FSHR: variants seen among roughly 807,000 people sequenced by gnomAD.
The protein encoded by FSHR is follicle-stimulating hormone receptor.
A neutral mutation model predicts 52.1 loss-of-function variants in FSHR; 46 were observed. The observed-to-expected ratio is 0.88, with a 90% CI of 0.70 to 1.13. FSHR has a LOEUF of 1.13. Among genes scored for constraint, FSHR ranks in the 50% most tolerant of loss-of-function variants. FSHR has a pLI of 0.00. For synonymous variants in FSHR, 399 were observed against 309.6 expected, an observed-to-expected ratio of 1.29 and a Z score of -3.03; for missense variants, 964 against 834.6, an observed-to-expected ratio of 1.16 and a Z score of -1.91.
chr2:49,143,280 G>T (rs1672754456), intron 1 of FSHR, among the ~76,000 whole-genome samples: 1 of 152,176 alleles, frequency 6.6e-6, no homozygotes, highest in Admixed American at 6.6e-5. Context: ...AAAGGAACAT[G>T]TGTCAAGTAC....
chr2:49,044,050 G>A (rs547705373), intron 2 of FSHR, among the ~76,000 whole-genome samples: 1 of 152,164 alleles, frequency 6.6e-6, no homozygotes, highest in Non-Finnish European at 1.5e-5. Context: ...TCTGTTTTAC[G>A]TGAATTCCAA....
chr2:49,135,676 A>G (rs931701305), intron 1 of FSHR, among the ~76,000 whole-genome samples: 7 of 152,294 alleles, frequency 4.6e-5, no homozygotes, highest in Admixed American at 3.9e-4. Context: ...AAATTCACGC[A>G]TAACTTCGAA....
intron 5 of FSHR, among the ~76,000 whole-genome samples, chr2:48,990,289 G>A (rs1347777024): frequency 2.6e-5 from 4 of 152,084 alleles, no homozygotes; most frequent in South Asian, 2.1e-4. Context: ...TAATTAAAGC[G>A]CTAAATAGTG....
intron 4 of FSHR, among the ~76,000 whole-genome samples, chr2:49,016,556 C>A (rs1408337698): frequency 6.6e-6 from 1 of 152,086 alleles, no homozygotes; most frequent in Non-Finnish European, 1.5e-5. Flanking sequence ...TTGAGGCCAT[C>A]CAGAGTGGCC....
intron 1 of FSHR, among the ~76,000 whole-genome samples, chr2:49,087,799 C>G (rs1391404660): frequency 6.6e-6 from 1 of 152,124 alleles, no homozygotes; most frequent in African/African-American, 2.4e-5. Flanking sequence ...TATTGAACAT[C>G]TACGTGACAC....
chr2:48,985,585 C>G (rs1675464882), intron 6 of FSHR, among the ~76,000 whole-genome samples: 3 of 151,850 alleles, frequency 2.0e-5, no homozygotes, highest in African/African-American at 4.8e-5. Flanking sequence ...CTCTGATTCA[C>G]TAGGCTAGTG....
intron 2 of FSHR, among the ~76,000 whole-genome samples, chr2:49,049,905 A>ACAAAGCTAATAAAT (rs1298970820): frequency 2.0e-5 from 3 of 151,644 alleles, no homozygotes; most frequent in Non-Finnish European, 4.4e-5. Context: ...ACATATAAAT[A>ACAAAGCTAATAAAT]CAAAGCTAAT....
intron 2 of FSHR, among the ~76,000 whole-genome samples, chr2:49,030,127 G>A (rs1033323325): frequency 6.6e-6 from 1 of 152,160 alleles, no homozygotes; most frequent in African/African-American, 2.4e-5. Flanking sequence ...AGGACTTCTG[G>A]CCTGAGCCAT....
chr2:48,993,545 CCTCTT>C (rs1559112096), intron 4 of FSHR, among the ~76,000 whole-genome samples: 1 of 152,162 alleles, frequency 6.6e-6, no homozygotes, highest in Non-Finnish European at 1.5e-5. Context: ...ATATTATCCT[CCTCTT>C]CTTTTCCAAT....
chr2:48,963,024 C>T lies in FSHR; in HGVS notation c.1797G>A (p.Val599=). 3 of 1,614,038 alleles carry T rather than the reference C, an allele frequency of 1.9e-6. No individual in the cohort carries two copies. Among genetic ancestry groups the T allele is most frequent in the South Asian group, 1.1e-5 (1 of 91,074 alleles). The change falls in exon 10 of 10, where the codon GTG becomes GTA. Residue 599 remains valine (V), a synonymous_variant. Transcript: ENST00000406846. The part of the protein sequence containing the change: ...SFFAISASLK[V]PLITVSKAKI... The stretch of plus-strand genomic sequence containing the variant: ...TTGCTTTGGACACAGTGATGAGGGG[C>T]ACCTTGAGGGAGGCAGAAATGGCAA...
At chr2:48,985,270 G>C (rs960160470) in intron 6 of FSHR, among the ~76,000 whole-genome samples, 1 of 152,138 alleles carries the variant, frequency 6.6e-6, no homozygotes, top group Non-Finnish European at 1.5e-5. Flanking sequence ...AGTGAACTTT[G>C]CTCTCATCCT....
At chr2:49,021,837 C>CTT (rs1156544910) in intron 2 of FSHR, among the ~76,000 whole-genome samples, 5,302 of 30,060 alleles carry the variant, frequency 0.18, 254 homozygotes, top group Non-Finnish European at 0.21. Flanking sequence ...GTGTTTCTCT[C>CTT]TCTCTCTCTC....
intron 2 of FSHR, among the ~76,000 whole-genome samples, chr2:49,054,353 C>T (rs190733985): frequency 1.2e-3 from 187 of 152,172 alleles, no homozygotes; most frequent in African/African-American, 4.3e-3. Context: ...AACCTTGCAC[C>T]CACATCCTGA....
intron 3 of FSHR, among the ~76,000 whole-genome samples, chr2:49,019,078 T>A (rs1379187604): frequency 6.6e-6 from 1 of 152,218 alleles, no homozygotes; most frequent in East Asian, 1.9e-4. Flanking sequence ...TTCTTAAATG[T>A]GTTCCATGGG....
At chr2:48,971,795 C>A (rs6545089) in intron 8 of FSHR, among the ~76,000 whole-genome samples, 113,495 of 152,060 alleles carry the variant, frequency 0.75, 43,202 homozygotes, top group African/African-American at 0.91. Flanking sequence ...CAAATTTATA[C>A]ATTTTATGCC....
chr2:48,992,769 TTTC>T (rs970791041), intron 4 of FSHR, among the ~76,000 whole-genome samples: 1 of 152,132 alleles, frequency 6.6e-6, no homozygotes, highest in Non-Finnish European at 1.5e-5. Context: ...CCTATTTCTC[TTTC>T]TTCTTTCACA....
At chr2:48,997,375 G>T (rs1488870270) in intron 4 of FSHR, 3 of 984,920 alleles carry the variant, frequency 3.0e-6, no homozygotes, top group Non-Finnish European at 3.6e-6. Context: ...GAAATTTAAG[G>T]AGCTCAAGGG....
At position 49,076,248 on chromosome 2, in the gene FSHR, G is replaced by A. The variant is rs146525573; in HGVS notation, c.153-7958C>T. Among the ~76,000 whole-genome samples, 324 of 152,284 alleles carry A rather than the reference G, an allele frequency of 2.1e-3. 1 individual carries two copies. Among genetic ancestry groups the A allele is most frequent in the African/African-American group, 7.2e-3 (298 of 41,578 alleles). On this transcript the variant is annotated intron_variant, in intron 1 of 9. Coordinates refer to ENST00000406846, the MANE Select transcript of FSHR (RefSeq NM_000145.4). Reference sequence around the variant, plus strand: ...GACTGGGCAAATTACAAAAGAAAGAGGTTTAATGGACTTACAGTTCCACGT... The same window carrying A: ...GACTGGGCAAATTACAAAAGAAAGAAGTTTAATGGACTTACAGTTCCACGT...
chr2:49,084,458 A>T (rs529138027), intron 1 of FSHR, among the ~76,000 whole-genome samples: 5 of 152,324 alleles, frequency 3.3e-5, no homozygotes, highest in Non-Finnish European at 5.9e-5. Context: ...GAGCAAACAC[A>T]TTCAAAAGCT....
Sources: gnomAD v4.1 joint callset for allele counts (sites outside exome capture counted in the v4.1 genomes callset) on GRCh38, gnomAD v4.1.1 for gene constraint, MANE v1.5 for transcripts, NCBI Gene and HGNC (gene_info 2026-07-23, HGNC 2026-07-21) for gene names.